Variants in ISM1 observed in about 807,000 individuals in gnomAD.
The protein encoded by ISM1 is isthmin 1.
Under a neutral mutation model 46.3 loss-of-function variants are expected in ISM1, and 25 were observed. That is an observed-to-expected ratio of 0.54 (90% CI 0.39 to 0.75). The LOEUF is 0.75. Ranked by LOEUF, ISM1 falls within the 30% of genes least tolerant of loss-of-function variation. ISM1 has a pLI of 0.00. For synonymous variants in ISM1, 255 were observed against 256.7 expected (o/e 0.99, Z 0.06); for missense variants, 536 against 625.4 (o/e 0.86, Z 1.52).
intron 1 of ISM1, among the ~76,000 whole-genome samples, chr20:13,262,902 A>G (rs1216794055): frequency 6.6e-6 from 1 of 152,208 alleles, no homozygotes; most frequent in East Asian, 1.9e-4. Flanking sequence ...GCCCTAAAGT[A>G]AACATCGTTA....
intron 3 of ISM1, among the ~76,000 whole-genome samples, chr20:13,281,648 A>G (rs954819716): frequency 1.3e-5 from 2 of 152,152 alleles, no homozygotes; most frequent in African/African-American, 4.8e-5. Flanking sequence ...CTTTCTGGGG[A>G]AAAAAGTAGC....
chr20:13,312,923 C>A, the ISM1 span, among the ~76,000 whole-genome samples: 21 of 152,192 alleles, frequency 1.4e-4, no homozygotes, highest in African/African-American at 4.8e-4. Context: ...TCTTTGATTT[C>A]TTTTGTTCCC....
chr20:13,227,910 T>A (rs2039545636), intron 1 of ISM1, among the ~76,000 whole-genome samples: 1 of 152,088 alleles, frequency 6.6e-6, no homozygotes, highest in Non-Finnish European at 1.5e-5. Flanking sequence ...CAATAATTAT[T>A]TAGACTTAAT....
chr20:13,224,897 G>A (rs976275983), intron 1 of ISM1, among the ~76,000 whole-genome samples: 1 of 143,036 alleles, frequency 7.0e-6, no homozygotes, highest in East Asian at 2.1e-4. Flanking sequence ...CCAGGCTGGA[G>A]TGCAGTGGCG....
At chr20:13,288,756 C>A in intron 4 of ISM1, 73 bp downstream of exon 4, 2 of 1,424,642 alleles carry the variant, frequency 1.4e-6, no homozygotes, top group Non-Finnish European at 1.9e-6. Context: ...AACTTAGTGA[C>A]ATTGTCTTTT....
intron 1 of ISM1, among the ~76,000 whole-genome samples, chr20:13,268,426 T>A (rs1009985394): frequency 7.1e-6 from 1 of 140,636 alleles, no homozygotes. Flanking sequence ...CAAACAATAA[T>A]ACATTTGGCC....
At chr20:13,296,437 C>A (rs955709425) in intron 5 of ISM1, among the ~76,000 whole-genome samples, 1 of 152,182 alleles carries the variant, frequency 6.6e-6, no homozygotes, top group Non-Finnish European at 1.5e-5. Flanking sequence ...TGCAGGGAGG[C>A]AAGGGATGTT....
At chr20:13,303,888 A>C (rs1050500542), downstream of ISM1, among the ~76,000 whole-genome samples, 6 of 152,202 alleles carry the variant, frequency 3.9e-5, no homozygotes, top group African/African-American at 1.4e-4. Flanking sequence ...ACATTATTTA[A>C]GGTGATGCTG....
rs1263729191 is a variant in ISM1 at position 13,270,692 on chromosome 20, C to G, written c.327C>G (p.Asn109Lys). ...GATCCTTTCTCCTTGATCTACCAAACTTTCCAGATCTTTCCAAAGCTGATA... is the reference window on the plus strand; with the variant it reads ...GATCCTTTCTCCTTGATCTACCAAAGTTTCCAGATCTTTCCAAAGCTGATA... Reference protein sequence around the residue: ...FPRSFLLDLPNFPDLSKADIN... With the variant: ...FPRSFLLDLPKFPDLSKADIN... Residue 109 changes from asparagine to lysine, a missense_variant, in exon 2 of 6, where the codon AAC becomes AAG. Asn to Lys is a moderately conservative substitution (Grantham distance 94). Transcript: ENST00000262487. 1 of 1,613,958 alleles carries G rather than the reference C, an allele frequency of 6.2e-7. No homozygotes were observed.
At chr20:13,240,144 T>C (rs1415647706) in intron 1 of ISM1, among the ~76,000 whole-genome samples, 1 of 152,232 alleles carries the variant, frequency 6.6e-6, no homozygotes, top group East Asian at 1.9e-4. Context: ...TACAATTCCA[T>C]TCATTCATTC....
At chr20:13,293,021 C>A (rs1376160989) in intron 5 of ISM1, among the ~76,000 whole-genome samples, 1 of 151,556 alleles carries the variant, frequency 6.6e-6, no homozygotes, top group African/African-American at 2.4e-5. Flanking sequence ...ATGGTGAAAC[C>A]CCCCCGTCTC....
chr20:13,294,388 T>C (rs555147838), intron 5 of ISM1, among the ~76,000 whole-genome samples: 3 of 152,248 alleles, frequency 2.0e-5, no homozygotes, highest in South Asian at 2.1e-4. Context: ...AAAATAGAAA[T>C]GACTTTAAAG....
In ISM1 at chr20:13,295,346, C is replaced by T. The variant is rs138487678; in HGVS notation, c.877+2883C>T. On this transcript the variant is annotated intron_variant, in intron 5 of 5. Coordinates refer to ENST00000262487, the MANE Select transcript of ISM1 (RefSeq NM_080826.2). ...AAACTTTCCATGGCTCCCTAGTACC[C>T]GCTGAACCAGCCTAAACTGAACAAG... 4.3e-3 allele frequency among the ~76,000 whole-genome samples: 651 copies of T among 152,298 alleles called. 4 individuals carry two copies. The highest frequency in any genetic ancestry group is 0.015 in the African/African-American group (604 of 41,554).
chr20:13,283,104 G>A lies in ISM1; in HGVS notation c.643+3206G>A, dbSNP rs1043652335. Among the ~76,000 whole-genome samples the A allele has an allele frequency of 3.3e-5, 5 of 151,970 alleles. 1 individual carries two copies. Among genetic ancestry groups the A allele is most frequent in the African/African-American group, 4.8e-5 (2 of 41,338 alleles). On this transcript the variant is annotated intron_variant, in intron 3 of 5. Coordinates refer to ENST00000262487, the MANE Select transcript of ISM1 (RefSeq NM_080826.2). ...TGCCCAGGCTGGAGTGCAGTGGTGC[G>A]ATCATAGCTCACTGAAGCCTCCAAC...
chr20:13,296,685 A>G (rs533749112), intron 5 of ISM1, among the ~76,000 whole-genome samples: 1 of 152,178 alleles, frequency 6.6e-6, no homozygotes, highest in East Asian at 1.9e-4. Flanking sequence ...AAGTCCAGGG[A>G]CCTGGGTGAA....
Position 13,236,098 on chromosome 20 carries a change from T to C in ISM1, c.138+14184T>C, listed in dbSNP as rs568189146. Among the ~76,000 whole-genome samples the C allele has an allele frequency of 2.0e-5, 3 of 152,192 alleles. No homozygotes were observed. In the East Asian group the frequency reaches 5.8e-4, roughly 29 times the overall value. On this transcript the variant is annotated intron_variant, in intron 1 of 5. Coordinates refer to ENST00000262487, the MANE Select transcript of ISM1 (RefSeq NM_080826.2). ...CACCACCACGCACGGCTAATTTTTA[T>C]ATTTTTAGTAGAGACGGGGTTTCAC...
At chr20:13,305,941 G>T in the ISM1 span, among the ~76,000 whole-genome samples, 1 of 152,224 alleles carries the variant, frequency 6.6e-6, no homozygotes, top group Non-Finnish European at 1.5e-5. Context: ...TTTAGTGGCA[G>T]GGGAATGAGT....
intron 1 of ISM1, among the ~76,000 whole-genome samples, chr20:13,265,814 T>G (rs1223516130): frequency 6.6e-6 from 1 of 152,174 alleles, no homozygotes; most frequent in Non-Finnish European, 1.5e-5. Context: ...GCATTGTCAA[T>G]GTTAACATTA....
At chr20:13,298,029 T>A (rs974248850) in intron 5 of ISM1, among the ~76,000 whole-genome samples, 1 of 152,218 alleles carries the variant, frequency 6.6e-6, no homozygotes. Context: ...CTGAGTCCTA[T>A]AAATCTTCCT....
Sources: allele counts gnomAD v4.1 joint callset (sites outside exome capture counted in the v4.1 genomes callset), GRCh38; gene constraint gnomAD v4.1.1; transcripts MANE v1.5; gene names NCBI Gene and HGNC (gene_info 2026-07-23, HGNC 2026-07-21).